Variants in PPFIA2 observed in about 807,000 individuals in gnomAD.
PPFIA2 encodes the protein liprin-alpha-2.
In PPFIA2, 46 loss-of-function variants were observed where a neutral mutation model predicts 175.5. The observed-to-expected ratio is 0.26, with a 90% CI of 0.21 to 0.34. The LOEUF (loss-of-function observed/expected upper bound fraction) is 0.34. Among genes scored for constraint, PPFIA2 ranks in the 10% least tolerant of loss-of-function variants. The probability of loss-of-function intolerance (pLI) is 1.00; values close to 1 mark genes in which losing one functional copy is unlikely to be tolerated. For missense variants in PPFIA2, 1,179 were observed against 1,506.1 expected (o/e 0.78, Z 3.60); for synonymous variants, 568 against 511.4 (o/e 1.11, Z -1.49).
chr12:81,540,873 T>C (rs2066102611), intron 4 of PPFIA2, among the ~76,000 whole-genome samples: 1 of 152,052 alleles, frequency 6.6e-6, no homozygotes, highest in Non-Finnish European at 1.5e-5. Flanking sequence ...CCTACTGCTA[T>C]ATTATATTTA....
At chr12:81,369,648 G>A (rs2034548383) in intron 11 of PPFIA2, among the ~76,000 whole-genome samples, 1 of 151,758 alleles carries the variant, frequency 6.6e-6, no homozygotes, top group Non-Finnish European at 1.5e-5. Context: ...ATCATTTCTT[G>A]TAGTTTAGCT....
At chr12:81,694,514 G>A (rs1596466773) in intron 3 of PPFIA2, among the ~76,000 whole-genome samples, 3 of 152,198 alleles carry the variant, frequency 2.0e-5, no homozygotes, top group East Asian at 3.9e-4. Context: ...ACAGAGTACA[G>A]GAGTGAATGA....
At chr12:81,292,627 A>C (rs984592055) in intron 24 of PPFIA2, 3 of 152,160 alleles carry the variant, frequency 2.0e-5, no homozygotes, top group Non-Finnish European at 4.4e-5. Flanking sequence ...TATAAAACAC[A>C]TAATACATGC....
intron 3 of PPFIA2, among the ~76,000 whole-genome samples, chr12:81,702,754 C>G (rs189331901): frequency 7.2e-5 from 11 of 152,242 alleles, no homozygotes; most frequent in African/African-American, 2.6e-4. Context: ...CCAATGCGAT[C>G]ATATTAGAAG....
intron 3 of PPFIA2, among the ~76,000 whole-genome samples, chr12:81,692,161 C>G (rs2075334852): frequency 6.6e-6 from 1 of 151,512 alleles, no homozygotes; most frequent in Non-Finnish European, 1.5e-5. Flanking sequence ...AGTTGCCACA[C>G]TGTACAGCTT....
intron 28 of PPFIA2, chr12:81,270,733 A>G (rs2038837770): frequency 6.6e-6 from 1 of 152,194 alleles, no homozygotes; most frequent in South Asian, 2.1e-4. Context: ...GTTGTTTAAG[A>G]CACACAATCT....
chr12:81,621,726 G>A (rs1200201725), intron 4 of PPFIA2, among the ~76,000 whole-genome samples: 2 of 152,144 alleles, frequency 1.3e-5, no homozygotes, highest in East Asian at 3.9e-4. Flanking sequence ...GAAAGAATCA[G>A]GTTGTCATCA....
At chr12:81,329,051 A>G (rs140367282) in intron 21 of PPFIA2, among the ~76,000 whole-genome samples, 73 of 151,968 alleles carry the variant, frequency 4.8e-4, no homozygotes, top group Non-Finnish European at 5.9e-5. Flanking sequence ...GGATCCTTTG[A>G]CTTTGGCCTC....
At chr12:81,664,706 T>C (rs1043995324) in intron 4 of PPFIA2, among the ~76,000 whole-genome samples, 2 of 152,146 alleles carry the variant, frequency 1.3e-5, no homozygotes, top group African/African-American at 4.8e-5. Context: ...CAAAGGATTA[T>C]AAATCATGCT....
chr12:81,448,175 T>C (rs762166725), intron 5 of PPFIA2, among the ~76,000 whole-genome samples: 3 of 152,184 alleles, frequency 2.0e-5, no homozygotes. Context: ...TATTAGAGAC[T>C]ACCTAAATCT....
chr12:81,380,163 G>T (rs1453482659), intron 9 of PPFIA2, among the ~76,000 whole-genome samples: 2 of 152,056 alleles, frequency 1.3e-5, no homozygotes, highest in African/African-American at 4.8e-5. Context: ...CCAGGAATTT[G>T]AGACCAGCCT....
intron 4 of PPFIA2, among the ~76,000 whole-genome samples, chr12:81,654,033 C>T (rs2067404801): frequency 6.6e-6 from 1 of 151,456 alleles, no homozygotes; most frequent in African/African-American, 2.4e-5. Context: ...CTTAATTTAA[C>T]TGTCATGGCA....
At chr12:81,676,908 C>T in intron 3 of PPFIA2, 64 bp from the exon 4 acceptor site, 1 of 1,188,664 alleles carries the variant, frequency 8.4e-7, no homozygotes. Context: ...CCCCCAGTCC[C>T]ACAGTGTAAT....
At chr12:81,408,720 G>T (rs2043366377) in intron 7 of PPFIA2, among the ~76,000 whole-genome samples, 1 of 152,070 alleles carries the variant, frequency 6.6e-6, no homozygotes, top group African/African-American at 2.4e-5. Context: ...ATGACAATTA[G>T]TTCCAAAAAT....
At position 81,493,754 on chromosome 12, in the gene PPFIA2, CTATATATATATATATATA is replaced by C. The variant is rs5799531; in HGVS notation, c.304-35906_304-35889del. ...TTTGTGTGTGTGTGTGTGTGTGTGT[CTATATATATATATATATA>C]TATATATATATATATACACATTGGA... On this transcript the variant is annotated intron_variant, in intron 4 of 32. Transcript: ENST00000549396. Among the ~76,000 whole-genome samples the C allele has an allele frequency of 3.2e-3, 322 of 102,102 alleles. 2 individuals are homozygous for C. The highest frequency in any genetic ancestry group is 4.6e-3 in the Non-Finnish European group (236 of 51,848). The allele number at this position is 102,102 out of a possible 152,430, so 67.0% of individuals were successfully genotyped here. A position where few individuals can be genotyped will look rare whatever the true frequency, so the allele number is the denominator to read the frequency against.
chr12:81,618,280 TGTA>T (rs2061615774), intron 4 of PPFIA2, among the ~76,000 whole-genome samples: 1 of 150,260 alleles, frequency 6.7e-6, no homozygotes, highest in African/African-American at 2.4e-5. Flanking sequence ...TGTGTGTGTG[TGTA>T]TTCGATGAGG....
At chr12:81,554,027 T>C (rs915323385) in intron 4 of PPFIA2, among the ~76,000 whole-genome samples, 5 of 151,986 alleles carry the variant, frequency 3.3e-5, no homozygotes, top group African/African-American at 1.2e-4. Flanking sequence ...TACAACTTTT[T>C]TTTGCTAGAA....
At chr12:81,487,595 C>T (rs544191119) in intron 4 of PPFIA2, among the ~76,000 whole-genome samples, 1 of 151,806 alleles carries the variant, frequency 6.6e-6, no homozygotes, top group South Asian at 2.1e-4. Context: ...CAAGTCCTGC[C>T]AATCTATAGG....
intron 8 of PPFIA2, among the ~76,000 whole-genome samples, chr12:81,400,181 T>C (rs2041878680): frequency 6.6e-6 from 1 of 152,096 alleles, no homozygotes; most frequent in South Asian, 2.1e-4. Context: ...TGCATGAGAG[T>C]GTGCAAATCT....
Sources: allele counts gnomAD v4.1 joint callset (sites outside exome capture counted in the v4.1 genomes callset), GRCh38; gene constraint gnomAD v4.1.1; transcripts MANE v1.5; gene names NCBI Gene and HGNC (gene_info 2026-07-23, HGNC 2026-07-21).